The following GALNT10 variants were observed in gnomAD, a reference collection of about 807,000 sequenced individuals.
GALNT10 encodes the protein GalNAc transferase 10.
In GALNT10, 41 loss-of-function variants were observed where a neutral mutation model predicts 75.0. That is an observed-to-expected ratio of 0.55 (90% confidence interval 0.43 to 0.71). The LOEUF is 0.71. Ranked by LOEUF, GALNT10 falls within the 30% of genes least tolerant of loss-of-function variation. The pLI, the probability that GALNT10 is intolerant of heterozygous loss-of-function variation, is 0.00. For synonymous variants in GALNT10, 302 were observed against 313.0 expected, an observed-to-expected ratio of 0.96 and a Z score of 0.37; for missense variants, 727 against 818.5, an observed-to-expected ratio of 0.89 and a Z score of 1.36.
At chr5:154,229,626 G>C (rs1271766905) in intron 1 of GALNT10, among the ~76,000 whole-genome samples, 1 of 152,140 alleles carries the variant, frequency 6.6e-6, no homozygotes, top group East Asian at 1.9e-4. Flanking sequence ...CCAGCTACTT[G>C]GGAGGCTGAG....
In GALNT10 at chr5:154,298,915, T is replaced by C. The variant is rs80343013; in HGVS notation, c.401+836T>C. Among the ~76,000 whole-genome samples the C allele has an allele frequency of 0.017, 2,522 of 152,178 alleles. 160 individuals are homozygous for C. The highest frequency in any genetic ancestry group is 0.16 in the East Asian group (817 of 5,178). On this transcript the variant is annotated intron_variant, in intron 3 of 11. Transcript: ENST00000297107. This position sits in a 1 kb window ranked among gnomAD's most constrained non-coding sequence, Gnocchi z 4.1. Reference sequence around the variant, plus strand: ...AGGTCTGGATGGGGGCCCAAGAACTTCCATTTCAAATAGGCTCCCTGGGGA... The same window carrying C: ...AGGTCTGGATGGGGGCCCAAGAACTCCCATTTCAAATAGGCTCCCTGGGGA...
intron 6 of GALNT10, among the ~76,000 whole-genome samples, chr5:154,385,594 G>A (rs1474214430): frequency 1.3e-5 from 2 of 152,126 alleles, no homozygotes; most frequent in East Asian, 1.9e-4. Context: ...CCTCTGTCTT[G>A]AGGGGGCTGC....
intron 4 of GALNT10, among the ~76,000 whole-genome samples, chr5:154,364,400 TG>T (rs1468139903): frequency 6.6e-6 from 1 of 152,144 alleles, no homozygotes; most frequent in Admixed American, 6.5e-5. Flanking sequence ...GATTAGTCTC[TG>T]GTAGGGGACA....
chr5:154,289,096 C>T (rs1754153428), intron 1 of GALNT10, among the ~76,000 whole-genome samples: 2 of 152,176 alleles, frequency 1.3e-5, no homozygotes, highest in Non-Finnish European at 2.9e-5. Context: ...TCTCCTATTC[C>T]TCCAAACATG....
At chr5:154,325,555 A>G (rs1754744370) in intron 3 of GALNT10, among the ~76,000 whole-genome samples, 1 of 152,258 alleles carries the variant, frequency 6.6e-6, no homozygotes, top group South Asian at 2.1e-4. Flanking sequence ...AGACTGGTTC[A>G]ATATATGAAA....
chr5:154,258,957 G>A (rs1051423805), intron 1 of GALNT10, among the ~76,000 whole-genome samples: 1 of 152,042 alleles, frequency 6.6e-6, no homozygotes, highest in African/African-American at 2.4e-5. Flanking sequence ...AAAAAAAGTT[G>A]CAAAAATAAT....
At chr5:154,222,935 A>G (rs1418737489) in intron 1 of GALNT10, among the ~76,000 whole-genome samples, 1 of 152,188 alleles carries the variant, frequency 6.6e-6, no homozygotes, top group African/African-American at 2.4e-5. Context: ...CATCTGGCAA[A>G]ATCTAGAGCA....
At chr5:154,237,411 G>A (rs925671204) in intron 1 of GALNT10, among the ~76,000 whole-genome samples, 10 of 152,050 alleles carry the variant, frequency 6.6e-5, no homozygotes, top group Admixed American at 5.9e-4. Context: ...TTTAAATCCA[G>A]GCTATTCATT....
At chr5:154,302,220 A>C (rs958689354) in intron 3 of GALNT10, among the ~76,000 whole-genome samples, 9 of 152,244 alleles carry the variant, frequency 5.9e-5, no homozygotes, top group African/African-American at 2.2e-4. Flanking sequence ...GAATTTTGGC[A>C]ACAGCATGTC....
At chr5:154,302,584 C>T (rs1215552392) in intron 3 of GALNT10, among the ~76,000 whole-genome samples, 1 of 152,214 alleles carries the variant, frequency 6.6e-6, no homozygotes, top group Non-Finnish European at 1.5e-5. Flanking sequence ...GTGCAAACCC[C>T]AGGTTAGGTG....
intron 6 of GALNT10, among the ~76,000 whole-genome samples, chr5:154,384,002 C>G (rs1427298334): frequency 5.9e-5 from 9 of 152,176 alleles, no homozygotes; most frequent in Non-Finnish European, 1.3e-4. Context: ...CAAACACATC[C>G]TTCTTCACAA....
At chr5:154,388,882 C>T (rs1446913205) in intron 7 of GALNT10, 1 of 68,190 alleles carries the variant, frequency 1.5e-5, no homozygotes, top group Non-Finnish European at 2.5e-5. Flanking sequence ...GACCCCATCT[C>T]ATTAAAAAAA....
chr5:154,296,649 G>T (rs983288104), intron 2 of GALNT10, among the ~76,000 whole-genome samples: 1 of 152,134 alleles, frequency 6.6e-6, no homozygotes, highest in Non-Finnish European at 1.5e-5. Context: ...TTCAGACTCG[G>T]AAAGGCTGAA....
intron 3 of GALNT10, among the ~76,000 whole-genome samples, chr5:154,321,310 C>CTT (rs34946323): frequency 0.73 from 108,429 of 148,772 alleles, 39,766 homozygotes; most frequent in Admixed American, 0.83. Context: ...CTCCTCAAAA[C>CTT]TTTTTTTTTT....
At chr5:154,248,171 A>G (rs956634018) in intron 1 of GALNT10, among the ~76,000 whole-genome samples, 2 of 152,216 alleles carry the variant, frequency 1.3e-5, no homozygotes, top group African/African-American at 4.8e-5. Context: ...CCACTTGATC[A>G]TGGTGGATAA....
In GALNT10 at chr5:154,402,145, C is replaced by T. The variant is rs1756180221; in HGVS notation, c.1057-1959C>T. On this transcript the variant is annotated intron_variant, in intron 7 of 11. Transcript: ENST00000297107. This position sits in a 1 kb window ranked among gnomAD's most constrained non-coding sequence, Gnocchi z 4.2. ...ATGTAAGTGGATTGTGTGTCTCCCT[C>T]ACTGAAGACCTTCTGTGAAGACTCC... Among the ~76,000 whole-genome samples, 1 of 152,228 alleles carries T rather than the reference C, an allele frequency of 6.6e-6. No homozygotes were observed. Among genetic ancestry groups the T allele is most frequent in the Non-Finnish European group, 1.5e-5 (1 of 68,038 alleles).
In GALNT10 at chr5:154,233,848, C is replaced by T. The variant is rs373174070; in HGVS notation, c.159+42823C>T. Among the ~76,000 whole-genome samples, 8 of 152,202 alleles carry T rather than the reference C, an allele frequency of 5.3e-5. No homozygotes were observed. In the East Asian group the frequency reaches 1.2e-3, roughly 22 times the overall value. On this transcript the variant is annotated intron_variant, in intron 1 of 11. Coordinates refer to ENST00000297107, the MANE Select transcript of GALNT10 (RefSeq NM_198321.4). ...CTTTTGGTGGGCAGGTAGAGGATGT[C>T]GTGGGTTAGAATTGCTGTGGGTAGC... is the stretch of plus-strand genomic sequence containing the variant.
chr5:154,270,803 G>C (rs72808628), intron 1 of GALNT10, among the ~76,000 whole-genome samples: 6,535 of 152,092 alleles, frequency 0.043, 167 homozygotes, highest in Middle Eastern at 0.13. Flanking sequence ...AGAGGAGCCT[G>C]GCCAACATGG....
chr5:154,390,983 C>T (rs1428120557), intron 7 of GALNT10, among the ~76,000 whole-genome samples: 1 of 152,190 alleles, frequency 6.6e-6, no homozygotes, highest in Non-Finnish European at 1.5e-5. Flanking sequence ...GGAAATGAGA[C>T]AGTGTAATGA....
Sources: gnomAD v4.1 joint callset for allele counts (sites outside exome capture counted in the v4.1 genomes callset) on GRCh38, gnomAD v4.1.1 for gene constraint, Gnocchi (gnomAD v3.1) non-coding constraint, MANE v1.5 for transcripts, NCBI Gene and HGNC (gene_info 2026-07-23, HGNC 2026-07-21) for gene names.